Variants in DCPH1 observed in about 807,000 individuals in gnomAD.
DCPH1 encodes damage control phosphatase 1, also known as damage-control phosphatase 1.
the DCPH1 span, among the ~76,000 whole-genome samples, chr6:151,453,970 G>T: frequency 6.6e-6 from 1 of 152,300 alleles, no homozygotes; most frequent in Admixed American, 6.5e-5. Context: ...CTTAGGGGCA[G>T]AATAGGATGG....
the DCPH1 span, among the ~76,000 whole-genome samples, chr6:151,461,502 C>G: frequency 6.6e-6 from 1 of 152,126 alleles, no homozygotes; most frequent in Non-Finnish European, 1.5e-5. Context: ...GAAACCCTGT[C>G]TCTACTAAAA....
the DCPH1 span, chr6:151,469,084 A>G: frequency 6.2e-7 from 1 of 1,612,890 alleles, no homozygotes; most frequent in Non-Finnish European, 8.5e-7. Flanking sequence ...AAAATATGGA[A>G]TATTTCAGTA....
At chr6:151,452,817 G>C in the DCPH1 span, 1 of 489,874 alleles carries the variant, frequency 2.0e-6, no homozygotes, top group Admixed American at 4.2e-5. Flanking sequence ...ATCAGGACAG[G>C]GGTCAGCTTC....
At chr6:151,453,905 T>A in the DCPH1 span, among the ~76,000 whole-genome samples, 1 of 152,364 alleles carries the variant, frequency 6.6e-6, no homozygotes, top group South Asian at 2.1e-4. Context: ...CTTGAACACT[T>A]CTATAAAATC....
chr6:151,459,730 C>T, the DCPH1 span, among the ~76,000 whole-genome samples: 1 of 152,040 alleles, frequency 6.6e-6, no homozygotes, highest in Admixed American at 6.6e-5. Context: ...GGCGGAGGTT[C>T]CAGTAGCCAA....
the DCPH1 span, among the ~76,000 whole-genome samples, chr6:151,465,977 G>A: frequency 1.2e-4 from 18 of 152,214 alleles, no homozygotes; most frequent in Non-Finnish European, 2.9e-5. Flanking sequence ...GTAGTGCAGT[G>A]GCACGATCTC....
At chr6:151,454,598 A>C in the DCPH1 span, 1 of 1,583,190 alleles carries the variant, frequency 6.3e-7, no homozygotes, top group East Asian at 2.2e-5. Context: ...ATCTTAACTA[A>C]GGTTATTGAT....
At chr6:151,465,530 G>A in the DCPH1 span, among the ~76,000 whole-genome samples, 1 of 152,142 alleles carries the variant, frequency 6.6e-6, no homozygotes, top group Non-Finnish European at 1.5e-5. Flanking sequence ...AGGAAACCCT[G>A]TAGTTACTGA....
At chr6:151,468,851 T>G in the DCPH1 span, 1 of 1,614,164 alleles carries the variant, frequency 6.2e-7, no homozygotes, top group Non-Finnish European at 8.5e-7. Context: ...TATGCTGAAC[T>G]ACAGAAGGCA....
chr6:151,467,287 G>GCATTCTCC, the DCPH1 span, among the ~76,000 whole-genome samples: 15,331 of 151,162 alleles, frequency 0.1, 801 homozygotes, highest in Middle Eastern at 0.17. Context: ...GTTGGAACAT[G>GCATTCTCC]CATTCTCCTT....
the DCPH1 span, among the ~76,000 whole-genome samples, chr6:151,456,164 ATC>A: frequency 6.6e-6 from 1 of 152,208 alleles, no homozygotes; most frequent in Non-Finnish European, 1.5e-5. Context: ...TAACAATCTG[ATC>A]TCTCTTGCTT....
the DCPH1 span, among the ~76,000 whole-genome samples, chr6:151,455,110 T>C: frequency 8.5e-4 from 129 of 152,292 alleles, no homozygotes; most frequent in Non-Finnish European, 1.6e-3. Context: ...TTGTACTGAT[T>C]CAAGTTGGGA....
At chr6:151,468,143 T>G in the DCPH1 span, among the ~76,000 whole-genome samples, 5 of 152,204 alleles carry the variant, frequency 3.3e-5, no homozygotes, top group Admixed American at 6.5e-5. Flanking sequence ...GAATTAAAAA[T>G]TTCAGTTTTA....
At chr6:151,468,988 A>G in the DCPH1 span, 1 of 1,614,230 alleles carries the variant, frequency 6.2e-7, no homozygotes, top group South Asian at 1.1e-5. Flanking sequence ...TACCATAAGA[A>G]CATTAAAAGC....
chr6:151,464,731 T>C, the DCPH1 span: 2 of 670,566 alleles, frequency 3.0e-6, no homozygotes, highest in African/African-American at 3.8e-5. Flanking sequence ...TGATTTTTTA[T>C]CTAGTGGTGT....
chr6:151,453,995 G>A, the DCPH1 span, among the ~76,000 whole-genome samples: 2 of 152,302 alleles, frequency 1.3e-5, no homozygotes, highest in Non-Finnish European at 1.5e-5. Flanking sequence ...AGTCCATTGT[G>A]CAGATAGAGA....
the DCPH1 span, chr6:151,452,778 G>T: frequency 1.8e-6 from 1 of 563,828 alleles, no homozygotes; most frequent in Non-Finnish European, 3.0e-6. Flanking sequence ...CCCGGGGAGG[G>T]AGCCTGCCCG....
chr6:151,452,721 C>A, the DCPH1 span: 1 of 931,788 alleles, frequency 1.1e-6, no homozygotes, highest in South Asian at 1.7e-5. Flanking sequence ...CTTTCCGGGG[C>A]GCCTTTGCGG....
the DCPH1 span, among the ~76,000 whole-genome samples, chr6:151,455,950 A>G: frequency 6.6e-6 from 1 of 152,276 alleles, no homozygotes; most frequent in Non-Finnish European, 1.5e-5. Flanking sequence ...CTCAAGGAGT[A>G]TGCTGCCTTC....
Sources: gnomAD v4.1 joint callset for allele counts (sites outside exome capture counted in the v4.1 genomes callset) on GRCh38, gnomAD v4.1.1 for gene constraint, MANE v1.5 for transcripts, NCBI Gene and HGNC (gene_info 2026-07-23, HGNC 2026-07-21) for gene names.